Variants in ANKIB1 observed in about 807,000 individuals in gnomAD.
The protein encoded by ANKIB1 is ankyrin repeat and IBR domain containing 1, also known as ankyrin repeat and IBR domain-containing protein 1.
Under a neutral mutation model 122.1 loss-of-function variants are expected in ANKIB1, and 43 were observed. The ratio of observed to expected loss-of-function variants is 0.35; its 90% CI spans 0.28 to 0.45. ANKIB1 has a LOEUF of 0.45. Ranked by LOEUF, ANKIB1 falls within the 20% of genes least tolerant of loss-of-function variation. ANKIB1 has a pLI of 1.00. For missense variants in ANKIB1, 992 were observed against 1,329.5 expected (o/e 0.75, Z 3.95); for synonymous variants, 390 against 442.0 (o/e 0.88, Z 1.48).
intron 3 of ANKIB1, 124 bp downstream of exon 3, chr7:92,307,780 C>A (rs1258674537): frequency 2.1e-4 from 60 of 288,436 alleles, no homozygotes; most frequent in Non-Finnish European, 2.6e-4. Context: ...CTTTTGTCTT[C>A]TAAAAGACCC....
chr7:92,256,026 T>C (rs1484480680), intron 1 of ANKIB1, among the ~76,000 whole-genome samples: 1 of 152,200 alleles, frequency 6.6e-6, no homozygotes, highest in Non-Finnish European at 1.5e-5. Flanking sequence ...TTGAGTGTAG[T>C]ATCAAGTTAT....
chr7:92,335,418 A>G (rs959452151), intron 5 of ANKIB1, among the ~76,000 whole-genome samples: 5 of 151,884 alleles, frequency 3.3e-5, no homozygotes, highest in Admixed American at 3.3e-4. Flanking sequence ...TTTAAATTGT[A>G]CTTGTTTTTA....
chr7:92,393,930 C>T (rs955367830), intron 17 of ANKIB1, among the ~76,000 whole-genome samples: 1 of 152,080 alleles, frequency 6.6e-6, no homozygotes, highest in Non-Finnish European at 1.5e-5. Flanking sequence ...TTACCAACTC[C>T]AGTAGACTTA....
At chr7:92,370,542 T>C (rs1416631212) in intron 10 of ANKIB1, among the ~76,000 whole-genome samples, 3 of 116,720 alleles carry the variant, frequency 2.6e-5, no homozygotes, top group African/African-American at 9.6e-5. Context: ...AAAAAAAAAG[T>C]TGGTTAATGG....
chr7:92,265,867 AGATG>A (rs1801661683), intron 1 of ANKIB1, among the ~76,000 whole-genome samples: 1 of 152,234 alleles, frequency 6.6e-6, no homozygotes, highest in Non-Finnish European at 1.5e-5. Flanking sequence ...CTCTAGTACA[AGATG>A]TCAAGTAGGC....
intron 2 of ANKIB1, among the ~76,000 whole-genome samples, chr7:92,298,612 A>G (rs997563676): frequency 3.9e-5 from 6 of 152,086 alleles, no homozygotes; most frequent in African/African-American, 1.4e-4. Flanking sequence ...TTATAATTAT[A>G]CCAAGATGTT....
At position 92,246,499 on chromosome 7, in the gene ANKIB1, C is replaced by G. The variant is rs780105369; in HGVS notation, c.-111C>G. 3 of 518,560 alleles carry G rather than the reference C, an allele frequency of 5.8e-6. No homozygotes were observed. The highest frequency in any genetic ancestry group is 1.2e-5 in the Non-Finnish European group (3 of 259,826). The allele number at this position is 518,560 out of a possible 1,614,324, so 32.1% of individuals were successfully genotyped here. On this transcript the variant is annotated 5_prime_UTR_variant, in exon 1 of 20. Coordinates refer to ENST00000265742, the MANE Select transcript of ANKIB1 (RefSeq NM_019004.2). ...GAGTTGCTGGGTCCACCGACCCTTA[C>G]CCTCAGCGAGAGAAGTAACCGTAAG...
chr7:92,295,193 A>G (rs1802328347), intron 2 of ANKIB1, 27 bp downstream of exon 2: 1 of 1,451,122 alleles, frequency 6.9e-7, no homozygotes, highest in Non-Finnish European at 9.2e-7. Flanking sequence ...ACTAATTGGT[A>G]TTAGGGTATT....
chr7:92,307,670 T>C lies in ANKIB1; in HGVS notation c.486+14T>C. The C allele has an allele frequency of 6.8e-7, 1 of 1,479,518 alleles. No individual in the cohort carries two copies. Among genetic ancestry groups the C allele is most frequent in the Non-Finnish European group, 8.9e-7 (1 of 1,121,054 alleles). 91.6% of individuals were successfully genotyped at this position (1,479,518 alleles called of 1,614,324 possible). On this transcript the variant is annotated intron_variant, in intron 3 of 19. Coordinates refer to ENST00000265742, the MANE Select transcript of ANKIB1 (RefSeq NM_019004.2). ...GCCTGTGTAGAGGTAAATTTTTTTT[T>C]TTTTTAATATTCTGCATTGTAAAAT... is the stretch of plus-strand genomic sequence containing the variant.
At chr7:92,367,060 A>G (rs1258534991) in intron 10 of ANKIB1, among the ~76,000 whole-genome samples, 3 of 152,208 alleles carry the variant, frequency 2.0e-5, no homozygotes, top group Non-Finnish European at 4.4e-5. Context: ...AGGAGGAAAG[A>G]AATAGAAAAG....
At chr7:92,376,113 A>G (rs1430992280) in intron 11 of ANKIB1, among the ~76,000 whole-genome samples, 2 of 152,222 alleles carry the variant, frequency 1.3e-5, no homozygotes, top group East Asian at 1.9e-4. Flanking sequence ...ATCCATGTAT[A>G]GAGCACAGGC....
intron 6 of ANKIB1, among the ~76,000 whole-genome samples, chr7:92,344,235 A>C: frequency 9.7e-6 from 1 of 103,284 alleles, no homozygotes; most frequent in African/African-American, 4.1e-5. Flanking sequence ...ACGGAGTTTC[A>C]CTCTTGTTGC....
At chr7:92,377,336 T>TA (rs1398268535) in intron 11 of ANKIB1, among the ~76,000 whole-genome samples, 2 of 152,174 alleles carry the variant, frequency 1.3e-5, no homozygotes, top group Non-Finnish European at 2.9e-5. Context: ...CATATATATA[T>TA]TAAGTTTGCC....
chr7:92,390,144 G>C (rs75839896), intron 15 of ANKIB1, 28 bp downstream of exon 15: 1 of 1,494,670 alleles, frequency 6.7e-7, no homozygotes, highest in East Asian at 2.4e-5. Context: ...ACATTTAAAT[G>C]GCAGCAGTTA....
At chr7:92,352,787 A>G (rs1803695006) in intron 9 of ANKIB1, 145 bp downstream of exon 9, 4 of 887,776 alleles carry the variant, frequency 4.5e-6, no homozygotes, top group Non-Finnish European at 6.7e-6. Flanking sequence ...AAGTAGTAAT[A>G]GTTCATATTT....
At chr7:92,267,522 T>C (rs1018004195) in intron 1 of ANKIB1, among the ~76,000 whole-genome samples, 1 of 152,234 alleles carries the variant, frequency 6.6e-6, no homozygotes, top group South Asian at 2.1e-4. Context: ...CTAAATGATA[T>C]ATATACTCCT....
rs992869771 is a variant in ANKIB1, at chr7:92,400,096, A to G, written c.*1147A>G. The G allele has an allele frequency of 7.2e-5, 11 of 152,360 alleles. No individual in the cohort carries two copies. The highest frequency in any genetic ancestry group is 3.9e-4 in the Admixed American group (6 of 15,308). The allele number at this position is 152,360 out of a possible 1,614,324, so 9.4% of individuals were successfully genotyped here. On this transcript the variant is annotated 3_prime_UTR_variant, in exon 20 of 20. Coordinates refer to ENST00000265742, the MANE Select transcript of ANKIB1 (RefSeq NM_019004.2). Reference sequence around the variant, plus strand: ...TTTCAATGTCTCTTCTGAAGTAACTATGCTATGAATTGCAAAGACCTCCAT... The same window carrying G: ...TTTCAATGTCTCTTCTGAAGTAACTGTGCTATGAATTGCAAAGACCTCCAT...
At chr7:92,289,108 C>T (rs967882672) in intron 1 of ANKIB1, among the ~76,000 whole-genome samples, 20 of 152,164 alleles carry the variant, frequency 1.3e-4, no homozygotes, top group African/African-American at 4.8e-4. Flanking sequence ...CTGGAAACAA[C>T]CAAGTTGTCC....
chr7:92,391,121 A>G (rs979694539), intron 15 of ANKIB1, 45 bp from the exon 16 acceptor site: 1 of 1,494,018 alleles, frequency 6.7e-7, no homozygotes, highest in African/African-American at 1.4e-5. Flanking sequence ...GCTATTGATT[A>G]ACCTATGAAG....
Sources: gnomAD v4.1 joint callset for allele counts (sites outside exome capture counted in the v4.1 genomes callset) on GRCh38, gnomAD v4.1.1 for gene constraint, MANE v1.5 for transcripts, NCBI Gene and HGNC (gene_info 2026-07-23, HGNC 2026-07-21) for gene names.